The following SV2C variants were observed in gnomAD, a reference collection of about 807,000 sequenced individuals.
The protein encoded by SV2C is synaptic vesicle glycoprotein 2C, also known as solute carrier family 22 member B3.
Under a neutral mutation model 79.7 loss-of-function variants are expected in SV2C, and 49 were observed. The ratio of observed to expected loss-of-function variants is 0.61; its 90% confidence interval spans 0.49 to 0.78. The LOEUF is 0.78. Among genes scored for constraint, SV2C ranks in the 30% least tolerant of loss-of-function variants. The pLI is 0.00. For synonymous variants in SV2C, 334 were observed against 333.2 expected, an observed-to-expected ratio of 1.00 and a Z score of -0.03; for missense variants, 833 against 912.9, an observed-to-expected ratio of 0.91 and a Z score of 1.13.
chr5:76,079,258 C>T (rs1186269991), upstream of SV2C: 3 of 323,992 alleles, frequency 9.3e-6, no homozygotes, highest in Non-Finnish European at 1.9e-5. Context: ...TACTGCTTCT[C>T]AGAGGCTGAG....
the SV2C span, among the ~76,000 whole-genome samples, chr5:76,036,303 A>G: frequency 1.3e-5 from 2 of 151,184 alleles, no homozygotes; most frequent in South Asian, 4.3e-4. Context: ...TTAGCTGGTT[A>G]TTTTGCTCGT....
intron 1 of SV2C, among the ~76,000 whole-genome samples, chr5:76,085,039 G>A (rs1747134994): frequency 6.6e-6 from 1 of 152,246 alleles, no homozygotes; most frequent in African/African-American, 2.4e-5. Flanking sequence ...CTCTCCCGCT[G>A]AACCTAATCC....
At chr5:75,921,554 G>T in the SV2C span, 9 of 858,170 alleles carry the variant, frequency 1.0e-5, no homozygotes, top group East Asian at 2.0e-4. Flanking sequence ...CATGGTCTTG[G>T]GGTTTGTGTC....
At chr5:75,966,315 T>G in the SV2C span, among the ~76,000 whole-genome samples, 5 of 152,186 alleles carry the variant, frequency 3.3e-5, no homozygotes, top group Non-Finnish European at 7.4e-5. Context: ...AACCAAAGCT[T>G]TGTGCAGGAA....
At chr5:76,128,537 G>A (rs2112178508) in intron 1 of SV2C, among the ~76,000 whole-genome samples, 1 of 152,312 alleles carries the variant, frequency 6.6e-6, no homozygotes, top group African/African-American at 2.4e-5. Context: ...ACACATTTGA[G>A]CTTGAGTCCG....
intron 4 of SV2C, among the ~76,000 whole-genome samples, chr5:76,284,768 G>A (rs569725217): frequency 8.5e-5 from 13 of 152,336 alleles, no homozygotes; most frequent in Admixed American, 2.6e-4. Context: ...CAAGGGAGCC[G>A]GTTGATGCAG....
At chr5:75,853,474 T>G in the SV2C span, among the ~76,000 whole-genome samples, 2 of 144,850 alleles carry the variant, frequency 1.4e-5, no homozygotes, top group South Asian at 2.2e-4. Flanking sequence ...GAGAATGGTG[T>G]GAACCTGGGA....
chr5:76,283,873 A>C (rs900689980), intron 4 of SV2C, among the ~76,000 whole-genome samples: 3 of 152,222 alleles, frequency 2.0e-5, no homozygotes, highest in African/African-American at 7.2e-5. Context: ...ACTAAGGTGT[A>C]ACTTCAGCTC....
At chr5:75,989,747 C>T in the SV2C span, among the ~76,000 whole-genome samples, 1 of 152,022 alleles carries the variant, frequency 6.6e-6, no homozygotes, top group South Asian at 2.1e-4. Context: ...TACACTCCCA[C>T]CTAGAGTGTA....
intron 2 of SV2C, among the ~76,000 whole-genome samples, chr5:76,171,716 G>C (rs1743271654): frequency 7.2e-6 from 1 of 139,234 alleles, no homozygotes; most frequent in Non-Finnish European, 1.6e-5. Flanking sequence ...AGGTGGGGGG[G>C]TCAGCCCCCC....
At chr5:75,925,746 T>G in the SV2C span, among the ~76,000 whole-genome samples, 3 of 124,858 alleles carry the variant, frequency 2.4e-5, no homozygotes, top group African/African-American at 3.9e-5. Flanking sequence ...TTAAAAGATT[T>G]TTTTAAAAAA....
chr5:76,178,575 C>G (rs967446076), intron 2 of SV2C, among the ~76,000 whole-genome samples: 1 of 152,216 alleles, frequency 6.6e-6, no homozygotes, highest in South Asian at 2.1e-4. Context: ...AACATGCACA[C>G]TACTCTTTAT....
chr5:76,338,659 CTT>C (rs60550344), downstream of SV2C, among the ~76,000 whole-genome samples: 281 of 119,512 alleles, frequency 2.4e-3, no homozygotes, highest in Non-Finnish European at 2.9e-3. Context: ...TTTTCTTTTT[CTT>C]TTTTTTTTTT....
At chr5:76,150,286 T>C (rs1197364956) in intron 2 of SV2C, among the ~76,000 whole-genome samples, 3 of 151,772 alleles carry the variant, frequency 2.0e-5, no homozygotes, top group Non-Finnish European at 4.4e-5. Flanking sequence ...CAAGTGATCC[T>C]CCTGCCTCAG....
At chr5:76,032,804 A>G in the SV2C span, among the ~76,000 whole-genome samples, 1 of 152,058 alleles carries the variant, frequency 6.6e-6, no homozygotes, top group African/African-American at 2.4e-5. Context: ...CTAGCTCTAG[A>G]CCCCGGAAAA....
At chr5:75,935,149 AATAG>A in the SV2C span, among the ~76,000 whole-genome samples, 1 of 152,214 alleles carries the variant, frequency 6.6e-6, no homozygotes, top group Non-Finnish European at 1.5e-5. Flanking sequence ...TGTGCTCTAA[AATAG>A]ATATTCAAAA....
intron 4 of SV2C, among the ~76,000 whole-genome samples, chr5:76,276,690 A>T (rs1271363028): frequency 6.8e-6 from 1 of 146,394 alleles, no homozygotes; most frequent in Non-Finnish European, 1.5e-5. Flanking sequence ...AGTAGCTATG[A>T]CCACAGGTAT....
the SV2C span, among the ~76,000 whole-genome samples, chr5:75,965,761 G>T: frequency 6.6e-6 from 1 of 151,632 alleles, no homozygotes; most frequent in Non-Finnish European, 1.5e-5. Context: ...ACCTACTATG[G>T]CATTGTTGCT....
At chr5:75,856,803 G>A in the SV2C span, among the ~76,000 whole-genome samples, 1 of 152,008 alleles carries the variant, frequency 6.6e-6, no homozygotes, top group Non-Finnish European at 1.5e-5. Flanking sequence ...AACTGGATAT[G>A]ATCCCATTTA....
Sources: allele counts gnomAD v4.1 joint callset (sites outside exome capture counted in the v4.1 genomes callset), GRCh38; gene constraint gnomAD v4.1.1; transcripts MANE v1.5; gene names NCBI Gene and HGNC (gene_info 2026-07-23, HGNC 2026-07-21).